XKR6: variants seen among roughly 807,000 people sequenced by gnomAD.
XKR6 encodes XK-related protein 6.
A neutral mutation model predicts 56.7 loss-of-function variants in XKR6; 22 were observed. The ratio of observed to expected loss-of-function variants is 0.39; its 90% CI spans 0.28 to 0.55. XKR6 has a LOEUF of 0.55. Ranked by LOEUF, XKR6 falls within the 20% of genes least tolerant of loss-of-function variation. The probability of loss-of-function intolerance (pLI) is 0.66; values close to 1 mark genes in which losing one functional copy is unlikely to be tolerated. For synonymous variants in XKR6, 524 were observed against 387.8 expected, an observed-to-expected ratio of 1.35 and a Z score of -4.13; for missense variants, 852 against 889.0, an observed-to-expected ratio of 0.96 and a Z score of 0.53.
Position 11,200,533 on chromosome 8 carries a change from G to A in XKR6, c.764+43C>T, listed in dbSNP as rs778366069. On this transcript the variant is annotated intron_variant, in intron 1 of 2. Coordinates refer to ENST00000416569, the MANE Select transcript of XKR6 (RefSeq NM_173683.4). This position sits in a 1 kb window ranked among gnomAD's most constrained non-coding sequence, Gnocchi z 6.4. ...GCGAAGCACCGGGAGGGCGGAGGGG[G>A]GCTCCTCAGGGCCGGCCCGCCCCCA... 26 of 1,412,326 alleles carry A rather than the reference G, an allele frequency of 1.8e-5. No individual in the cohort carries two copies. In the South Asian group the frequency reaches 3.4e-4, roughly 19 times the overall value. The allele number at this position is 1,412,326 out of a possible 1,614,324, so 87.5% of individuals were successfully genotyped here.
At chr8:10,984,457 C>A (rs1327645922) in intron 1 of XKR6, among the ~76,000 whole-genome samples, 2 of 151,666 alleles carry the variant, frequency 1.3e-5, no homozygotes, top group East Asian at 3.8e-4. Flanking sequence ...ATTAGAAAGA[C>A]AGATCTATAG....
At chr8:11,141,399 T>C (rs1177791337) in intron 1 of XKR6, among the ~76,000 whole-genome samples, 3 of 152,124 alleles carry the variant, frequency 2.0e-5, no homozygotes, top group Non-Finnish European at 4.4e-5. Flanking sequence ...CATGATGGGA[T>C]TCATGGCCTC....
At chr8:10,905,222 C>A (rs1346736104) in intron 2 of XKR6, among the ~76,000 whole-genome samples, 2 of 152,210 alleles carry the variant, frequency 1.3e-5, no homozygotes, top group African/African-American at 4.8e-5. Flanking sequence ...CCTCCTCACT[C>A]TCCCACCACC....
chr8:11,005,712 A>C (rs940973964), intron 1 of XKR6, among the ~76,000 whole-genome samples: 3 of 152,172 alleles, frequency 2.0e-5, no homozygotes, highest in Non-Finnish European at 4.4e-5. Flanking sequence ...ATATTATAAG[A>C]TAGGAATCAA....
intron 1 of XKR6, among the ~76,000 whole-genome samples, chr8:10,949,161 C>A (rs2129126381): frequency 6.6e-6 from 1 of 152,364 alleles, no homozygotes; most frequent in Non-Finnish European, 1.5e-5. Flanking sequence ...TCTGCAGGGG[C>A]CGGCTCTAGG....
intron 1 of XKR6, among the ~76,000 whole-genome samples, chr8:11,180,598 G>C (rs1014190391): frequency 6.6e-6 from 1 of 152,188 alleles, no homozygotes; most frequent in Non-Finnish European, 1.5e-5. Flanking sequence ...AGAAGGATTT[G>C]GTTGAAATAC....
chr8:10,899,696 T>C lies in XKR6; in HGVS notation c.962-780A>G, dbSNP rs186754651. Among the ~76,000 whole-genome samples, 11 of 152,332 alleles carry C rather than the reference T, an allele frequency of 7.2e-5. No homozygotes were observed. The East Asian group carries it at 2.1e-3, about 29-fold the overall frequency. On this transcript the variant is annotated intron_variant, in intron 2 of 2. Transcript: ENST00000416569. ...CCCTCTGGGTTCAACATGGTATCAC[T>C]TGGGCTTTGGGGGTGCCTCTTCCCC...
intron 1 of XKR6, among the ~76,000 whole-genome samples, chr8:11,116,817 T>A (rs1284730006): frequency 6.6e-6 from 1 of 152,214 alleles, no homozygotes; most frequent in Admixed American, 6.5e-5. Flanking sequence ...AACCACTTGA[T>A]GTTTTGTAAT....
At chr8:11,040,626 G>C (rs1799262831) in intron 1 of XKR6, among the ~76,000 whole-genome samples, 1 of 152,158 alleles carries the variant, frequency 6.6e-6, no homozygotes, top group Non-Finnish European at 1.5e-5. Flanking sequence ...GATGAAGGCA[G>C]ATTTGGTGTC....
intron 1 of XKR6, among the ~76,000 whole-genome samples, chr8:11,045,386 CCTCAAGCCA>C (rs1171692357): frequency 2.0e-5 from 3 of 152,066 alleles, no homozygotes; most frequent in African/African-American, 7.2e-5. Flanking sequence ...CTGTGCATGG[CCTCAAGCCA>C]CTCTTAAAGA....
intron 1 of XKR6, among the ~76,000 whole-genome samples, chr8:10,981,024 G>C (rs1461326447): frequency 1.3e-5 from 2 of 152,056 alleles, no homozygotes; most frequent in Non-Finnish European, 2.9e-5. Context: ...TGTGTTTGAA[G>C]GGTCAAAATA....
chr8:10,959,138 T>A (rs1408507810), intron 1 of XKR6, among the ~76,000 whole-genome samples: 1 of 152,210 alleles, frequency 6.6e-6, no homozygotes, highest in African/African-American at 2.4e-5. Flanking sequence ...CATGCACAGA[T>A]AATGACAGTT....
intron 1 of XKR6, among the ~76,000 whole-genome samples, chr8:11,037,455 G>A (rs1799174374): frequency 1.3e-5 from 2 of 152,262 alleles, no homozygotes; most frequent in East Asian, 1.9e-4. Flanking sequence ...CAATTCCTGG[G>A]ATCTAGCGAT....
intron 1 of XKR6, among the ~76,000 whole-genome samples, chr8:10,980,745 G>T (rs537508650): frequency 1.3e-5 from 2 of 152,030 alleles, no homozygotes; most frequent in African/African-American, 4.8e-5. Context: ...CCTATCTATC[G>T]TCTATCACCT....
intron 1 of XKR6, among the ~76,000 whole-genome samples, chr8:11,154,508 A>G (rs1801415476): frequency 6.6e-6 from 1 of 152,180 alleles, no homozygotes; most frequent in African/African-American, 2.4e-5. Flanking sequence ...AACCATAACA[A>G]TAAGTGTAAC....
At chr8:11,046,852 G>A (rs12335200) in intron 1 of XKR6, among the ~76,000 whole-genome samples, 3 of 152,148 alleles carry the variant, frequency 2.0e-5, no homozygotes, top group Non-Finnish European at 4.4e-5. Context: ...CAACAACATG[G>A]ATGAACCTGG....
At chr8:10,908,182 C>G (rs1800236586) in intron 2 of XKR6, among the ~76,000 whole-genome samples, 1 of 152,192 alleles carries the variant, frequency 6.6e-6, no homozygotes, top group African/African-American at 2.4e-5. Flanking sequence ...ACCCATGCTC[C>G]AGGAAGAGGC....
chr8:11,075,375 G>A (rs902330074), intron 1 of XKR6, among the ~76,000 whole-genome samples: 1 of 152,138 alleles, frequency 6.6e-6, no homozygotes, highest in Non-Finnish European at 1.5e-5. Flanking sequence ...TCCTTCCAGG[G>A]TTAGGGGTTG....
At chr8:11,153,907 G>T (rs1003512471) in intron 1 of XKR6, among the ~76,000 whole-genome samples, 1 of 152,118 alleles carries the variant, frequency 6.6e-6, no homozygotes, top group Non-Finnish European at 1.5e-5. Flanking sequence ...GGGGTGAAAC[G>T]AATATTCCCT....
Sources: gnomAD v4.1 joint callset for allele counts (sites outside exome capture counted in the v4.1 genomes callset) on GRCh38, gnomAD v4.1.1 for gene constraint, Gnocchi (gnomAD v3.1) non-coding constraint, MANE v1.5 for transcripts, NCBI Gene and HGNC (gene_info 2026-07-23, HGNC 2026-07-21) for gene names.